The following PRKCH variants were observed in gnomAD, a reference collection of about 807,000 sequenced individuals.
PRKCH encodes protein kinase C eta type.
PRKCH carries 28 observed loss-of-function variants against 82.5 expected under a neutral mutation model. The ratio of observed to expected loss-of-function variants is 0.34; its 90% confidence interval spans 0.25 to 0.47. The LOEUF is 0.47. Ranked by LOEUF, PRKCH falls within the 20% of genes least tolerant of loss-of-function variation. The probability of loss-of-function intolerance (pLI) is 1.00; values close to 1 mark genes in which losing one functional copy is unlikely to be tolerated. For synonymous variants in PRKCH, 322 were observed against 327.4 expected, an observed-to-expected ratio of 0.98 and a Z score of 0.18; for missense variants, 705 against 881.8, an observed-to-expected ratio of 0.80 and a Z score of 2.54.
chr14:61,399,342 A>T (rs78728300), intron 2 of PRKCH, among the ~76,000 whole-genome samples: 2,076 of 152,364 alleles, frequency 0.014, 54 homozygotes, highest in African/African-American at 0.047. Flanking sequence ...CATCAAAATG[A>T]TGCTTGAACT....
chr14:61,222,810 G>T (rs1267883478), intron 1 of PRKCH, among the ~76,000 whole-genome samples: 2 of 152,102 alleles, frequency 1.3e-5, no homozygotes, highest in African/African-American at 4.8e-5. Context: ...TGTCTTCTTG[G>T]GAGACCAAAG....
At chr14:61,538,949 G>A (rs2043146792) in intron 12 of PRKCH, among the ~76,000 whole-genome samples, 1 of 152,202 alleles carries the variant, frequency 6.6e-6, no homozygotes, top group Non-Finnish European at 1.5e-5. Context: ...CTTCTCTTCA[G>A]TAGCTACATT....
chr14:61,358,054 G>A (rs1012367168), intron 1 of PRKCH, among the ~76,000 whole-genome samples: 13 of 152,076 alleles, frequency 8.5e-5, no homozygotes, highest in Admixed American at 7.9e-4. Context: ...TCTGAATTTA[G>A]AGACCATATT....
intron 10 of PRKCH, among the ~76,000 whole-genome samples, chr14:61,488,425 A>G (rs1033195311): frequency 2.3e-4 from 35 of 152,220 alleles, no homozygotes; most frequent in African/African-American, 8.2e-4. Context: ...TATAACAATA[A>G]TAGTGTCCAC....
chr14:61,411,699 A>G (rs776150468), intron 2 of PRKCH, among the ~76,000 whole-genome samples: 1 of 152,196 alleles, frequency 6.6e-6, no homozygotes, highest in Non-Finnish European at 1.5e-5. Flanking sequence ...TGGATCTGAG[A>G]GTCCAGAGAG....
chr14:61,252,060 G>A (rs763396970), intron 1 of PRKCH, among the ~76,000 whole-genome samples: 6 of 152,036 alleles, frequency 3.9e-5, no homozygotes, highest in African/African-American at 1.2e-4. Context: ...GGCTGGTCGC[G>A]AACTCCTGAC....
intron 1 of PRKCH, among the ~76,000 whole-genome samples, chr14:61,289,467 G>T (rs2045342323): frequency 6.6e-6 from 1 of 152,252 alleles, no homozygotes; most frequent in South Asian, 2.1e-4. Context: ...AGCACTTTGG[G>T]AGGCCAAGGC....
At chr14:61,349,677 A>G (rs1488600715) in intron 1 of PRKCH, among the ~76,000 whole-genome samples, 1 of 152,150 alleles carries the variant, frequency 6.6e-6, no homozygotes, top group Non-Finnish European at 1.5e-5. Flanking sequence ...CCTGGCCAAC[A>G]TGGTGAAACC....
intron 2 of PRKCH, among the ~76,000 whole-genome samples, chr14:61,429,278 C>T (rs914023803): frequency 1.3e-5 from 2 of 152,172 alleles, no homozygotes; most frequent in African/African-American, 4.8e-5. Context: ...ATCAGGATTA[C>T]TATGTTCATG....
intron 2 of PRKCH, among the ~76,000 whole-genome samples, chr14:61,404,373 A>G (rs760015023): frequency 3.3e-5 from 5 of 152,336 alleles, no homozygotes; most frequent in Middle Eastern, 6.8e-3. Context: ...TGCCTCCTCT[A>G]GGAATTTTCA....
In PRKCH at chr14:61,397,352, A is replaced by T. The variant is rs118013729; in HGVS notation, c.427+6064A>T. ...AGTGGAGTTTGAGGTGCTTGTGGGA[A>T]ATCTAAGTTGCAATGTCTGGGAGAA... On this transcript the variant is annotated intron_variant, in intron 2 of 13. Transcript: ENST00000332981. Among the ~76,000 whole-genome samples the T allele has an allele frequency of 4.6e-3, 701 of 152,256 alleles. 5 individuals are homozygous for T. The highest frequency in any genetic ancestry group is 7.3e-3 in the Admixed American group (112 of 15,292).
chr14:61,429,100 A>C (rs564736647), intron 2 of PRKCH, among the ~76,000 whole-genome samples: 1 of 152,362 alleles, frequency 6.6e-6, no homozygotes, highest in African/African-American at 2.4e-5. Context: ...AGGGACTCCT[A>C]GCATTTTGCA....
At chr14:61,210,144 AT>A (rs1566781693) in intron 1 of PRKCH, among the ~76,000 whole-genome samples, 44 of 53,906 alleles carry the variant, frequency 8.2e-4, no homozygotes, top group Admixed American at 1.8e-3. Flanking sequence ...ATATATATAT[AT>A]ATATATATAT....
chr14:61,468,760 G>A (rs1417517334), intron 9 of PRKCH, among the ~76,000 whole-genome samples: 3 of 152,200 alleles, frequency 2.0e-5, no homozygotes, highest in Non-Finnish European at 4.4e-5. Context: ...TAGAGACTGA[G>A]TAGACCGCCA....
chr14:61,412,736 A>G (rs1482976157), intron 2 of PRKCH, among the ~76,000 whole-genome samples: 1 of 152,078 alleles, frequency 6.6e-6, no homozygotes, highest in Non-Finnish European at 1.5e-5. Context: ...CAATTCTAAA[A>G]CTTTTACACC....
At chr14:61,427,540 G>C (rs1883172885) in intron 2 of PRKCH, among the ~76,000 whole-genome samples, 1 of 152,110 alleles carries the variant, frequency 6.6e-6, no homozygotes, top group African/African-American at 2.4e-5. Context: ...AAATATGGCA[G>C]AGAAACATAT....
chr14:61,485,400 G>C, intron 9 of PRKCH, 102 bp from the exon 10 acceptor site: 1 of 1,402,988 alleles, frequency 7.1e-7, no homozygotes, highest in Middle Eastern at 2.6e-4. Flanking sequence ...ACATCCACTT[G>C]ACAGTGTCCT....
At chr14:61,210,778 CTCTCTCTCTCTCTGTGTGTGTG>C (rs2044570158) in intron 1 of PRKCH, among the ~76,000 whole-genome samples, 1 of 118,066 alleles carries the variant, frequency 8.5e-6, no homozygotes, top group South Asian at 2.7e-4. Context: ...CTCTCTCTCT[CTCTCTCTCTCTCTGTGTGTGTG>C]TGTGTGTGTG....
At chr14:61,248,798 A>ATGTATGTATG (rs1428817945) in intron 1 of PRKCH, among the ~76,000 whole-genome samples, 1 of 21,970 alleles carries the variant, frequency 4.6e-5, no homozygotes, top group Non-Finnish European at 9.5e-5. Context: ...GTATGTATGT[A>ATGTATGTATG]TGTGTGTGTG....
Sources: gnomAD v4.1 joint callset for allele counts (sites outside exome capture counted in the v4.1 genomes callset) on GRCh38, gnomAD v4.1.1 for gene constraint, MANE v1.5 for transcripts, NCBI Gene and HGNC (gene_info 2026-07-23, HGNC 2026-07-21) for gene names.